NBEAL1: variants seen among roughly 807,000 people sequenced by gnomAD.
NBEAL1 encodes the protein neurobeachin-like protein 1.
Under a neutral mutation model 351.3 loss-of-function variants are expected in NBEAL1, and 273 were observed. That is an observed-to-expected ratio of 0.78 (90% confidence interval 0.70 to 0.86). The LOEUF is 0.86. Ranked by LOEUF, NBEAL1 falls within the 40% of genes least tolerant of loss-of-function variation. The pLI is 0.00. For missense variants in NBEAL1, 2,961 were observed against 3,201.3 expected (o/e 0.92, Z 1.81); for synonymous variants, 1,050 against 1,086.4 (o/e 0.97, Z 0.66).
At chr2:203,207,180 C>T (rs532301648) in intron 51 of NBEAL1, among the ~76,000 whole-genome samples, 41 of 150,624 alleles carry the variant, frequency 2.7e-4, no homozygotes, top group African/African-American at 9.8e-4. Context: ...CCCCTCCGCC[C>T]GGCAGCCGCC....
chr2:203,156,099 A>G (rs982650992), intron 35 of NBEAL1, among the ~76,000 whole-genome samples: 2 of 152,098 alleles, frequency 1.3e-5, no homozygotes, highest in Admixed American at 6.6e-5. Context: ...CCTAGTTTCT[A>G]CTTCTCTTGT....
At position 203,224,668 on chromosome 2, in the gene NBEAL1, C is replaced by G. The variant is rs865896742; in HGVS notation, c.*7314C>G. On this transcript the variant is annotated 3_prime_UTR_variant, in exon 56 of 56. Coordinates refer to ENST00000683969, the MANE Select transcript of NBEAL1 (RefSeq NM_001378026.1). ...CTGCTACTTAAATATTGAAGGAATT[C>G]AGAAAGTTGTGTATTTATCTTAAAA... Among the ~76,000 whole-genome samples, 28 of 152,210 alleles carry G rather than the reference C, an allele frequency of 1.8e-4. No individual in the cohort carries two copies. Among genetic ancestry groups the G allele is most frequent in the Admixed American group, 4.6e-4 (7 of 15,292 alleles).
At chr2:203,039,736 G>A (rs1005516416) in intron 2 of NBEAL1, among the ~76,000 whole-genome samples, 7 of 152,102 alleles carry the variant, frequency 4.6e-5, no homozygotes, top group African/African-American at 1.4e-4. Context: ...TTATGTTTAC[G>A]TTAATGATCC....
At chr2:203,160,033 T>C (rs554312073) in intron 36 of NBEAL1, among the ~76,000 whole-genome samples, 2 of 151,930 alleles carry the variant, frequency 1.3e-5, no homozygotes, top group Non-Finnish European at 2.9e-5. Flanking sequence ...CATTAATATA[T>C]ATCTACTTTG....
At chr2:203,197,896 C>T (rs1024879544) in intron 48 of NBEAL1, among the ~76,000 whole-genome samples, 1 of 151,462 alleles carries the variant, frequency 6.6e-6, no homozygotes, top group Non-Finnish European at 1.5e-5. Flanking sequence ...GTGACAAGAG[C>T]GAGACTCCTT....
chr2:203,069,838 T>G (rs1389791530), intron 7 of NBEAL1, among the ~76,000 whole-genome samples: 1 of 152,126 alleles, frequency 6.6e-6, no homozygotes, highest in Admixed American at 6.5e-5. Flanking sequence ...AAAAAAATTT[T>G]TTATGGAGAC....
In NBEAL1 at chr2:203,183,291, G is replaced by A. The variant is rs1329681662; in HGVS notation, c.6608G>A (p.Gly2203Asp). The A allele has an allele frequency of 6.4e-7, 1 of 1,570,286 alleles. No homozygotes were observed. The highest frequency in any genetic ancestry group is 8.6e-7 in the Non-Finnish European group (1 of 1,156,264). Reference protein sequence around the residue: ...FLENQNQFNLGRLQISKELVN... With the variant: ...FLENQNQFNLDRLQISKELVN... The stretch of plus-strand genomic sequence containing the variant: ...TTACATGTCTTAGAATTTAACTTGG[G>A]TCGTCTACAGATTTCCAAAGAATTA... Residue 2203 changes from glycine (G) to aspartate (D), a missense_variant, in exon 44 of 56, where the codon GGT (glycine) becomes GAT (aspartate). Physicochemically the swap from Gly to Asp is moderately conservative, Grantham distance 94 (BLOSUM62 -1). Coordinates refer to ENST00000683969, the MANE Select transcript of NBEAL1 (RefSeq NM_001378026.1).
At chr2:203,176,413 A>G (rs1159009021) in intron 42 of NBEAL1, among the ~76,000 whole-genome samples, 1 of 152,088 alleles carries the variant, frequency 6.6e-6, no homozygotes, top group Non-Finnish European at 1.5e-5. Context: ...GATAGAAGAT[A>G]CTTTTCTCTC....
chr2:203,051,785 T>C (rs990041244), intron 4 of NBEAL1, among the ~76,000 whole-genome samples: 5 of 152,192 alleles, frequency 3.3e-5, no homozygotes, highest in East Asian at 1.9e-4. Context: ...TAGTTTCTTA[T>C]GATAAATTTA....
rs746790614 is a variant in NBEAL1, at chr2:203,193,789, T to C, written c.6922-6T>C. ...GGAATTGTTTTTCCTTAAAATTATT[T>C]TGAAGGAACCACACCCTCCAAGATT... is the stretch of plus-strand genomic sequence containing the variant. On this transcript the variant is annotated splice_region_variant and splice_polypyrimidine_tract_variant and intron_variant, in intron 46 of 55. Coordinates refer to ENST00000683969, the MANE Select transcript of NBEAL1 (RefSeq NM_001378026.1). The C allele has an allele frequency of 2.5e-6, 4 of 1,598,404 alleles. No homozygotes were observed. Among genetic ancestry groups the C allele is most frequent in the African/African-American group, 1.3e-5 (1 of 74,430 alleles).
At chr2:203,034,901 T>G (rs1217152265) in intron 2 of NBEAL1, among the ~76,000 whole-genome samples, 1 of 149,358 alleles carries the variant, frequency 6.7e-6, no homozygotes, top group Non-Finnish European at 1.5e-5. Flanking sequence ...TAAATATAAC[T>G]GACTTAAATG....
At chr2:203,192,951 T>C (rs77528103) in intron 46 of NBEAL1, among the ~76,000 whole-genome samples, 3,788 of 122,792 alleles carry the variant, frequency 0.031, 119 homozygotes, top group African/African-American at 0.077. Context: ...TATTGACTTT[T>C]TTTCTTTCTT....
chr2:203,022,817 T>C (rs2060792447), intron 2 of NBEAL1, among the ~76,000 whole-genome samples: 1 of 152,184 alleles, frequency 6.6e-6, no homozygotes, highest in Non-Finnish European at 1.5e-5. Context: ...TTTAAATCTG[T>C]ACTTATTTTT....
chr2:203,064,607 A>G (rs1438241724), intron 6 of NBEAL1, among the ~76,000 whole-genome samples: 2 of 152,192 alleles, frequency 1.3e-5, no homozygotes, highest in Admixed American at 6.5e-5. Context: ...AGCAAATCCC[A>G]AGTGAAGAAC....
At chr2:203,070,753 C>G (rs1358414612) in intron 7 of NBEAL1, among the ~76,000 whole-genome samples, 1 of 152,108 alleles carries the variant, frequency 6.6e-6, no homozygotes, top group Non-Finnish European at 1.5e-5. Context: ...ATGACCAGAT[C>G]TCATGAGAAC....
intron 36 of NBEAL1, among the ~76,000 whole-genome samples, chr2:203,161,326 CAAAAA>C (rs1174377516): frequency 1.5e-5 from 1 of 64,794 alleles, no homozygotes; most frequent in East Asian, 4.4e-4. Flanking sequence ...GACTCCATCT[CAAAAA>C]AAAAAAAAAA....
At chr2:203,041,701 G>C (rs1190407723) in intron 2 of NBEAL1, 64 bp from the exon 3 acceptor site, 3 of 1,050,770 alleles carry the variant, frequency 2.9e-6, no homozygotes, top group Non-Finnish European at 4.3e-6. Context: ...TGCTTAATAG[G>C]TGTAGAAGCA....
At chr2:203,112,704 T>C (rs1199974500) in intron 16 of NBEAL1, among the ~76,000 whole-genome samples, 2 of 152,188 alleles carry the variant, frequency 1.3e-5, no homozygotes, top group African/African-American at 4.8e-5. Context: ...GTTTTCTCTA[T>C]TTTCAAAAAC....
rs758957947 is a variant in NBEAL1 at position 203,185,654 on chromosome 2, G to T, written c.6705+2266G>T. On this transcript the variant is annotated intron_variant, in intron 44 of 55. Transcript: ENST00000683969. ...TGCAGTTAGTAGCAGTCATATGGCA[G>T]CTGGGATTGGAGTCATCTGAAAGCT... 2.0e-5 allele frequency among the ~76,000 whole-genome samples: 3 copies of T among 152,194 alleles called. No individual in the cohort carries two copies. The South Asian group carries it at 6.2e-4, about 32-fold the overall frequency.
Sources: gnomAD v4.1 joint callset for allele counts (sites outside exome capture counted in the v4.1 genomes callset) on GRCh38, gnomAD v4.1.1 for gene constraint, MANE v1.5 for transcripts, NCBI Gene and HGNC (gene_info 2026-07-23, HGNC 2026-07-21) for gene names.